The following ITPRIP variants were observed in gnomAD, a reference collection of about 807,000 sequenced individuals.
The protein encoded by ITPRIP is inositol 1,4,5-trisphosphate receptor interacting protein, also known as inositol 1,4,5-trisphosphate receptor-interacting protein.
ITPRIP carries 32 observed loss-of-function variants against 35.8 expected under a neutral mutation model. The ratio of observed to expected loss-of-function variants is 0.89; its 90% confidence interval spans 0.68 to 1.20. The LOEUF (loss-of-function observed/expected upper bound fraction) is 1.20, where lower values mean the gene tolerates loss of function less well. Ranked by LOEUF, ITPRIP falls within the 50% of genes most tolerant of loss-of-function variation. ITPRIP has a pLI of 0.00. For synonymous variants in ITPRIP, 358 were observed against 324.0 expected (o/e 1.11, Z -1.13); for missense variants, 653 against 735.6 (o/e 0.89, Z 1.30).
intron 1 of ITPRIP, among the ~76,000 whole-genome samples, chr10:104,334,262 G>A (rs370129349): frequency 2.6e-5 from 4 of 152,344 alleles, no homozygotes; most frequent in East Asian, 3.9e-4. Flanking sequence ...TGAGGCAGCC[G>A]AAGCAGGCAC....
chr10:104,334,670 C>A (rs1215160106), intron 1 of ITPRIP, among the ~76,000 whole-genome samples: 1 of 152,212 alleles, frequency 6.6e-6, no homozygotes, highest in Non-Finnish European at 1.5e-5. Context: ...GCCAGGCTGA[C>A]CTGAGTATCC....
intron 1 of ITPRIP, among the ~76,000 whole-genome samples, chr10:104,332,902 A>G (rs2014175538): frequency 6.6e-6 from 1 of 151,818 alleles, no homozygotes; most frequent in African/African-American, 2.4e-5. Context: ...GATTCCATAC[A>G]CTCTTCCTCT....
chr10:104,313,370 G>A lies in ITPRIP; in HGVS notation c.*1038C>T, dbSNP rs1301331692. On this transcript the variant is annotated 3_prime_UTR_variant, in exon 2 of 2. Transcript: ENST00000337478. ...TACAGCAGAGACTTCGCTGCAGGAC[G>A]CAGGGCCAGAAGAGGTTGAGAGGCT... The A allele has an allele frequency of 2.5e-5, 25 of 986,282 alleles. No individual in the cohort carries two copies. Among genetic ancestry groups the A allele is most frequent in the Non-Finnish European group, 2.5e-5 (21 of 830,420 alleles). The allele number at this position is 986,282 out of a possible 1,614,324, so 61.1% of individuals were successfully genotyped here.
At chr10:104,320,487 C>T (rs1466579618) in intron 1 of ITPRIP, among the ~76,000 whole-genome samples, 1 of 152,100 alleles carries the variant, frequency 6.6e-6, no homozygotes, top group Non-Finnish European at 1.5e-5. Context: ...TCTTTCCACA[C>T]CAAACTAACA....
At chr10:104,316,794 C>T (rs1457143859) in intron 1 of ITPRIP, among the ~76,000 whole-genome samples, 1 of 152,182 alleles carries the variant, frequency 6.6e-6, no homozygotes, top group Non-Finnish European at 1.5e-5. Flanking sequence ...CCCCTTCTCT[C>T]CCAAGTGAAT....
chr10:104,324,658 G>T (rs1364556171), intron 1 of ITPRIP, among the ~76,000 whole-genome samples: 1 of 151,992 alleles, frequency 6.6e-6, no homozygotes, highest in Non-Finnish European at 1.5e-5. Context: ...CACCTGTCTC[G>T]AGGACCCGGG....
chr10:104,317,173 T>C (rs1026018280), intron 1 of ITPRIP, among the ~76,000 whole-genome samples: 2 of 152,208 alleles, frequency 1.3e-5, no homozygotes, highest in Non-Finnish European at 2.9e-5. Context: ...CCCAGGACAA[T>C]CTTGATGATG....
Position 104,313,026 on chromosome 10 carries a change from G to A in ITPRIP, c.*1382C>T. 1 of 985,480 alleles carries A rather than the reference G, an allele frequency of 1.0e-6. No individual in the cohort carries two copies. The allele number at this position is 985,480 out of a possible 1,614,324, so 61.0% of individuals were successfully genotyped here. On this transcript the variant is annotated 3_prime_UTR_variant, in exon 2 of 2. Transcript: ENST00000337478. ...GACGGAGCCCAGCTCCAACCACAGA[G>A]CTTCTGCCAGGCTCTTTGGGTCTGG... is the stretch of plus-strand genomic sequence containing the variant.
At position 104,312,539 on chromosome 10, in the gene ITPRIP, C is replaced by T; in HGVS notation, c.*1869G>A. On this transcript the variant is annotated 3_prime_UTR_variant, in exon 2 of 2. Transcript: ENST00000337478. ...AGGGATTGGGGGTAGCTCCAGGCTG[C>T]TGTTAGGGACACACTTGAGCTGGTT... 1 of 781,334 alleles carries T rather than the reference C, an allele frequency of 1.3e-6. No homozygotes were observed. Among genetic ancestry groups the T allele is most frequent in the Non-Finnish European group, 1.6e-6 (1 of 643,348 alleles). 48.4% of individuals were successfully genotyped at this position (781,334 alleles called of 1,614,324 possible).
At position 104,326,949 on chromosome 10, in the gene ITPRIP, C is replaced by T. The variant is rs1284451063; in HGVS notation, c.-13-10885G>A. On this transcript the variant is annotated intron_variant, in intron 1 of 1. Transcript: ENST00000337478. This position sits in a 1 kb window ranked among gnomAD's most constrained non-coding sequence, Gnocchi z 4.8. Reference sequence around the variant, plus strand: ...TCTAGAGTATCTGGAGGGAGTGTGGCCCTGATACCTTGATCCTGGTCTCCA... The same window carrying T: ...TCTAGAGTATCTGGAGGGAGTGTGGTCCTGATACCTTGATCCTGGTCTCCA... The T allele has an allele frequency of 6.6e-6, 1 of 152,120 alleles. No individual in the cohort carries two copies. The highest frequency in any genetic ancestry group is 1.5e-5 in the Non-Finnish European group (1 of 68,028). The allele number at this position is 152,120 out of a possible 1,614,324, so 9.4% of individuals were successfully genotyped here.
intron 1 of ITPRIP, among the ~76,000 whole-genome samples, chr10:104,332,519 AG>A (rs2014168133): frequency 6.6e-6 from 1 of 152,198 alleles, no homozygotes; most frequent in African/African-American, 2.4e-5. Context: ...ATCTTTCTTC[AG>A]GGCAGGGAGT....
At chr10:104,316,723 T>C (rs1166204463) in intron 1 of ITPRIP, among the ~76,000 whole-genome samples, 1 of 152,154 alleles carries the variant, frequency 6.6e-6, no homozygotes, top group African/African-American at 2.4e-5. Flanking sequence ...AGAAACCCTT[T>C]TTAAGTCAGT....
At position 104,328,339 on chromosome 10, in the gene ITPRIP, A is replaced by G; in HGVS notation, c.-14+9907T>C. On this transcript the variant is annotated intron_variant, in intron 1 of 1. Transcript: ENST00000337478. The surrounding 1 kb of genome is among the most constrained non-coding windows in gnomAD (Gnocchi z 4.1). ...CCCACAAGGGTGCTGGTTTGGAGAGAGCATGAATACCCACCTTGGGGCAGG... is the reference window on the plus strand; with the variant it reads ...CCCACAAGGGTGCTGGTTTGGAGAGGGCATGAATACCCACCTTGGGGCAGG... 2.1e-6 allele frequency: 2 copies of G among 967,614 alleles called. No homozygotes were observed. The highest frequency in any genetic ancestry group is 2.5e-6 in the Non-Finnish European group (2 of 813,902). 59.9% of individuals were successfully genotyped at this position (967,614 alleles called of 1,614,324 possible).
chr10:104,315,937 GGATGA>G lies in ITPRIP; in HGVS notation c.110_114del (p.Ile37ThrfsTer76). On this transcript the variant is annotated frameshift_variant, in exon 2 of 2. Transcript: ENST00000337478. LOFTEE classifies it high-confidence loss of function. The surrounding 1 kb of genome is among the most constrained non-coding windows in gnomAD (Gnocchi z 5.7). ...TTCTCCTGGTGCGCCTGCATCTTGC[GGATGA>G]TCTCCTCCTCGTTCTCGGGGACTGT... The G allele has an allele frequency of 6.2e-7, 1 of 1,613,932 alleles. No homozygotes were observed. Among genetic ancestry groups the G allele is most frequent in the Non-Finnish European group, 8.5e-7 (1 of 1,180,020 alleles).
At chr10:104,335,450 G>A (rs1589897759) in intron 1 of ITPRIP, among the ~76,000 whole-genome samples, 3 of 152,096 alleles carry the variant, frequency 2.0e-5, no homozygotes, top group African/African-American at 7.2e-5. Context: ...AGCCACCGCC[G>A]TTTCCCTCTG....
Position 104,313,725 on chromosome 10 carries a change from TGA to T in ITPRIP, c.*681_*682del, listed in dbSNP as rs1438631575. 5 of 985,302 alleles carry T rather than the reference TGA, an allele frequency of 5.1e-6. No homozygotes were observed. The highest frequency in any genetic ancestry group is 6.0e-6 in the Non-Finnish European group (5 of 829,984). The allele number at this position is 985,302 out of a possible 1,614,324, so 61.0% of individuals were successfully genotyped here. On this transcript the variant is annotated 3_prime_UTR_variant, in exon 2 of 2. Transcript: ENST00000337478. ...GTGAGAAGTGTAGGGTGCAGCTGAG[TGA>T]GAAGTGTAGCTGAAAAAGTGGCTAA...
chr10:104,315,428 G>T lies in ITPRIP; in HGVS notation c.624C>A (p.Cys208Ter). Reference sequence around the variant, plus strand: ...GGGGTGTGAAGGGCACGAAAAGGTGGCACAGCAGTGGCCTGTCCACCTGCC... The same window carrying T: ...GGGGTGTGAAGGGCACGAAAAGGTGTCACAGCAGTGGCCTGTCCACCTGCC... Reference protein sequence around the residue: ...ENWQVDRPLLCHLFVPFTPPE... With the variant: ...ENWQVDRPLL The change falls in exon 2 of 2, where the codon TGC (cysteine) becomes TGA (stop). Residue 208 changes from cysteine to a stop codon, truncating the protein, a stop_gained. Transcript: ENST00000337478. LOFTEE classifies it high-confidence loss of function. This position sits in a 1 kb window ranked among gnomAD's most constrained non-coding sequence, Gnocchi z 5.7. The T allele has an allele frequency of 6.3e-7, 1 of 1,598,284 alleles. No homozygotes were observed.
At chr10:104,337,892 G>T (rs2014269983) in intron 1 of ITPRIP, among the ~76,000 whole-genome samples, 1 of 152,188 alleles carries the variant, frequency 6.6e-6, no homozygotes, top group Admixed American at 6.5e-5. Flanking sequence ...GAAGTAACGG[G>T]TCACCTGGCC....
intron 1 of ITPRIP, among the ~76,000 whole-genome samples, chr10:104,322,073 G>A (rs1328304622): frequency 6.6e-6 from 1 of 152,178 alleles, no homozygotes; most frequent in African/African-American, 2.4e-5. Context: ...AGGCACGTGA[G>A]CTACAGGCTG....
Sources: allele counts gnomAD v4.1 joint callset (sites outside exome capture counted in the v4.1 genomes callset), GRCh38; gene constraint gnomAD v4.1.1; non-coding constraint Gnocchi (gnomAD v3.1); transcripts MANE v1.5; gene names NCBI Gene and HGNC (gene_info 2026-07-23, HGNC 2026-07-21).